Variants in EDIL3 observed in about 807,000 individuals in gnomAD.
The protein encoded by EDIL3 is EGF like and discoidin domains 3.
EDIL3 carries 37 observed loss-of-function variants against 67.4 expected under a neutral mutation model. That is an observed-to-expected ratio of 0.55 (90% CI 0.42 to 0.72). The LOEUF is 0.72. Ranked by LOEUF, EDIL3 falls within the 30% of genes least tolerant of loss-of-function variation. EDIL3 has a pLI of 0.00. For synonymous variants in EDIL3, 195 were observed against 196.3 expected (o/e 0.99, Z 0.05); for missense variants, 527 against 586.3 (o/e 0.90, Z 1.04).
intron 3 of EDIL3, among the ~76,000 whole-genome samples, chr5:84,226,390 G>A (rs1744453155): frequency 6.6e-6 from 1 of 151,496 alleles, no homozygotes; most frequent in South Asian, 2.1e-4. Context: ...TATGATTACT[G>A]AAAAATATAA....
At chr5:84,069,405 C>T (rs574946442) in intron 6 of EDIL3, among the ~76,000 whole-genome samples, 36 of 152,164 alleles carry the variant, frequency 2.4e-4, no homozygotes, top group African/African-American at 8.4e-4. Flanking sequence ...TAATCTTGAA[C>T]AATTTGTCTA....
rs530224452 is a variant in EDIL3, at chr5:83,952,139, A to G, written c.1294-8571T>C. Among the ~76,000 whole-genome samples, 3 of 151,918 alleles carry G rather than the reference A, an allele frequency of 2.0e-5. No individual in the cohort carries two copies. In the East Asian group the frequency reaches 5.9e-4, roughly 30 times the overall value. The stretch of plus-strand genomic sequence containing the variant: ...CCCCAAGAGCCTCACTAAGAAGTTC[A>G]TGTTACCTTTTGTTATTAGGTCTTG... On this transcript the variant is annotated intron_variant, in intron 10 of 10. Transcript: ENST00000296591.
At chr5:84,098,634 G>A (rs909082803) in intron 6 of EDIL3, among the ~76,000 whole-genome samples, 5 of 152,014 alleles carry the variant, frequency 3.3e-5, no homozygotes, top group African/African-American at 1.2e-4. Flanking sequence ...ATGATCACAT[G>A]GAAATTAAAT....
At chr5:84,318,679 T>A (rs575623144) in intron 1 of EDIL3, among the ~76,000 whole-genome samples, 3 of 152,268 alleles carry the variant, frequency 2.0e-5, no homozygotes, top group Non-Finnish European at 2.9e-5. Context: ...AAGATTTAAA[T>A]GTAAGACCTA....
At chr5:84,265,348 C>T (rs953735542) in intron 1 of EDIL3, among the ~76,000 whole-genome samples, 5 of 152,180 alleles carry the variant, frequency 3.3e-5, no homozygotes, top group Admixed American at 6.5e-5. Context: ...ACATTATAAA[C>T]TATGTTGCCA....
Position 84,380,561 on chromosome 5 carries a change from A to C in EDIL3, c.67+3747T>G, listed in dbSNP as rs10514266. On this transcript the variant is annotated intron_variant, in intron 1 of 10. Transcript: ENST00000296591. ...CCTATTACATCCTAATCTTACTCAA[A>C]GCTATTGCACCTGCAAGTGTGTGCA... is the stretch of plus-strand genomic sequence containing the variant. Among the ~76,000 whole-genome samples the C allele has an allele frequency of 4.5e-3, 687 of 152,204 alleles. 9 individuals are homozygous for C. The highest frequency in any genetic ancestry group is 0.036 in the East Asian group (186 of 5,178).
chr5:84,337,542 T>C (rs1243224875), intron 1 of EDIL3, among the ~76,000 whole-genome samples: 1 of 152,096 alleles, frequency 6.6e-6, no homozygotes, highest in African/African-American at 2.4e-5. Flanking sequence ...GTTCTGAAAC[T>C]AGATTTAAAA....
intron 9 of EDIL3, among the ~76,000 whole-genome samples, chr5:84,006,385 A>AAACAT (rs773791234): frequency 7.0e-6 from 1 of 143,644 alleles, no homozygotes; most frequent in African/African-American, 2.8e-5. Flanking sequence ...AAACAAAACA[A>AAACAT]AACATAACAG....
intron 6 of EDIL3, among the ~76,000 whole-genome samples, chr5:84,088,768 A>C (rs1580321208): frequency 6.6e-6 from 1 of 152,298 alleles, no homozygotes; most frequent in East Asian, 1.9e-4. Context: ...CCAAAATCAT[A>C]ACAAAATAAA....
At chr5:84,319,501 A>C (rs1249418072) in intron 1 of EDIL3, among the ~76,000 whole-genome samples, 17 of 104,808 alleles carry the variant, frequency 1.6e-4, no homozygotes, top group African/African-American at 4.3e-4. Context: ...CAACAAAAAA[A>C]AAAAAAAAAA....
rs538529760 is a variant in EDIL3 at position 83,942,549 on chromosome 5, T to C, written c.*870A>G. 6.6e-5 allele frequency: 10 copies of C among 152,166 alleles called. No homozygotes were observed. The highest frequency in any genetic ancestry group is 2.4e-4 in the African/African-American group (10 of 41,570). 9.4% of individuals were successfully genotyped at this position (152,166 alleles called of 1,614,324 possible). ...GAAGATTTAAATTTAAAGAGACATA[T>C]ATATTTTTTGTTCTTTTGTGCAAAC... On this transcript the variant is annotated 3_prime_UTR_variant, in exon 11 of 11. Coordinates refer to ENST00000296591, the MANE Select transcript of EDIL3 (RefSeq NM_005711.5).
intron 6 of EDIL3, among the ~76,000 whole-genome samples, chr5:84,083,956 C>T (rs955927118): frequency 5.3e-5 from 8 of 152,008 alleles, no homozygotes; most frequent in African/African-American, 1.9e-4. Context: ...TGATTCTGGT[C>T]TTCAGTATGG....
chr5:83,954,990 C>T (rs913721363), intron 10 of EDIL3, among the ~76,000 whole-genome samples: 1 of 151,726 alleles, frequency 6.6e-6, no homozygotes, highest in African/African-American at 2.4e-5. Context: ...GAGCTAATCG[C>T]TAATCAATAT....
At chr5:84,350,086 C>T (rs1747324229) in intron 1 of EDIL3, among the ~76,000 whole-genome samples, 1 of 152,110 alleles carries the variant, frequency 6.6e-6, no homozygotes, top group African/African-American at 2.4e-5. Flanking sequence ...CAGGCATCCT[C>T]ACCTCAAGAT....
chr5:84,168,489 C>T (rs1748752944), intron 4 of EDIL3, among the ~76,000 whole-genome samples: 2 of 152,032 alleles, frequency 1.3e-5, no homozygotes, highest in Non-Finnish European at 2.9e-5. Context: ...TTTCTAGATT[C>T]TATCTTAATG....
intron 1 of EDIL3, among the ~76,000 whole-genome samples, chr5:84,270,456 T>A (rs1462453719): frequency 1.4e-5 from 2 of 147,848 alleles, no homozygotes; most frequent in Non-Finnish European, 3.0e-5. Flanking sequence ...GTCAGTAAAT[T>A]TATTGATATT....
chr5:84,219,612 T>C (rs1015263806), intron 3 of EDIL3, among the ~76,000 whole-genome samples: 14 of 152,118 alleles, frequency 9.2e-5, no homozygotes, highest in African/African-American at 3.4e-4. Flanking sequence ...CACTGCTAGG[T>C]ATATACCCAA....
chr5:84,295,725 T>C (rs1170265114), intron 1 of EDIL3, among the ~76,000 whole-genome samples: 1 of 152,134 alleles, frequency 6.6e-6, no homozygotes, highest in East Asian at 1.9e-4. Flanking sequence ...TGATATTAAT[T>C]GCAATTGTTT....
intron 6 of EDIL3, among the ~76,000 whole-genome samples, chr5:84,073,519 G>A (rs1015150699): frequency 8.5e-5 from 13 of 152,268 alleles, no homozygotes; most frequent in Middle Eastern, 3.4e-3. Context: ...CAAAATCAAT[G>A]TACAAACATC....
Sources: gnomAD v4.1 joint callset for allele counts (sites outside exome capture counted in the v4.1 genomes callset) on GRCh38, gnomAD v4.1.1 for gene constraint, MANE v1.5 for transcripts, NCBI Gene and HGNC (gene_info 2026-07-23, HGNC 2026-07-21) for gene names.